Variants in XPOT observed in about 807,000 individuals in gnomAD.
XPOT encodes exportin-T.
Under a neutral mutation model 128.2 loss-of-function variants are expected in XPOT, and 34 were observed. The ratio of observed to expected loss-of-function variants is 0.27; its 90% CI spans 0.20 to 0.35. The LOEUF (loss-of-function observed/expected upper bound fraction) is 0.35. XPOT is among the 10% of genes least tolerant of loss of function. The probability of loss-of-function intolerance (pLI) is 1.00; values close to 1 mark genes in which losing one functional copy is unlikely to be tolerated. For synonymous variants in XPOT, 348 were observed against 394.3 expected (o/e 0.88, Z 1.39); for missense variants, 838 against 1,125.3 (o/e 0.74, Z 3.65).
intron 5 of XPOT, among the ~76,000 whole-genome samples, chr12:64,418,556 T>A (rs1262258129): frequency 6.6e-6 from 1 of 151,710 alleles, no homozygotes; most frequent in Non-Finnish European, 1.5e-5. Flanking sequence ...TAGAGGAAAA[T>A]TTTTTTTTCT....
chr12:64,419,542 C>G (rs1287269087), intron 6 of XPOT, among the ~76,000 whole-genome samples: 1 of 152,218 alleles, frequency 6.6e-6, no homozygotes, highest in African/African-American at 2.4e-5. Context: ...CTCCTGACTT[C>G]AGGTGATCCG....
intron 24 of XPOT, 85 bp from the exon 25 acceptor site, chr12:64,448,020 A>G: frequency 8.4e-7 from 1 of 1,195,752 alleles, no homozygotes; most frequent in Non-Finnish European, 1.2e-6. Context: ...GAACATTGCT[A>G]GCACTCAGAT....
At chr12:64,416,447 G>A (rs1366508546) in intron 3 of XPOT, among the ~76,000 whole-genome samples, 1 of 152,116 alleles carries the variant, frequency 6.6e-6, no homozygotes, top group African/African-American at 2.4e-5. Context: ...TATTCAAGGT[G>A]CATCTTAATA....
At chr12:64,431,030 C>T (rs1254899273) in intron 17 of XPOT, among the ~76,000 whole-genome samples, 4 of 152,046 alleles carry the variant, frequency 2.6e-5, no homozygotes, top group African/African-American at 4.8e-5. Flanking sequence ...GTGCAACCTC[C>T]GCCTCCCAGG....
intron 11 of XPOT, 89 bp downstream of exon 11, chr12:64,423,333 C>G: frequency 1.1e-6 from 1 of 896,224 alleles, no homozygotes; most frequent in Non-Finnish European, 1.6e-6. Flanking sequence ...TTTCGGGGCC[C>G]TTTAAAACAT....
intron 1 of XPOT, 79 bp from the exon 2 acceptor site, chr12:64,409,883 T>C (rs2040021219): frequency 1.7e-6 from 1 of 603,992 alleles, no homozygotes; most frequent in African/African-American, 1.8e-5. Context: ...TGCATGATTT[T>C]ATCCATTTAC....
chr12:64,409,961 G>A lies in XPOT; in HGVS notation c.-74-1G>A. The A allele has an allele frequency of 1.6e-6, 2 of 1,235,432 alleles. No homozygotes were observed. The highest frequency in any genetic ancestry group is 4.7e-5 in the East Asian group (2 of 42,856). The allele number at this position is 1,235,432 out of a possible 1,614,324, so 76.5% of individuals were successfully genotyped here. A position where few individuals can be genotyped will look rare whatever the true frequency, so the allele number is the denominator to read the frequency against. ...TCTTTCAACTTTGTTTTTTGTGGCA[G>A]ATGTTTATAAATTCTTCTGTGGGAT... On this transcript the variant is annotated splice_acceptor_variant, in intron 1 of 24. Transcript: ENST00000332707. LOFTEE classifies it low-confidence loss of function (5UTR_SPLICE).
At chr12:64,437,114 T>C (rs2040289073) in intron 22 of XPOT, among the ~76,000 whole-genome samples, 1 of 152,196 alleles carries the variant, frequency 6.6e-6, no homozygotes, top group African/African-American at 2.4e-5. Context: ...CTTGATTTTT[T>C]GATTCTGATA....
At chr12:64,443,968 G>C (rs1416657195) in intron 23 of XPOT, among the ~76,000 whole-genome samples, 3 of 151,910 alleles carry the variant, frequency 2.0e-5, no homozygotes, top group African/African-American at 7.3e-5. Flanking sequence ...TACTATTCTT[G>C]TGATCTTAGT....
Position 64,404,812 on chromosome 12 carries a change from G to C in XPOT, c.-75+8G>C, listed in dbSNP as rs1453553369. On this transcript the variant is annotated splice_region_variant and intron_variant, in intron 1 of 24. Coordinates refer to ENST00000332707, the MANE Select transcript of XPOT (RefSeq NM_007235.6). ...GATGGAGTGATAGGGAAGGTGACTC[G>C]GGGCTCGGGGGCAGCGGGACCGGGA... is the stretch of plus-strand genomic sequence containing the variant. 6.6e-6 allele frequency: 1 copy of C among 152,376 alleles called. No homozygotes were observed. Among genetic ancestry groups the C allele is most frequent in the African/African-American group, 2.4e-5 (1 of 41,442 alleles). 9.4% of individuals were successfully genotyped at this position (152,376 alleles called of 1,614,324 possible). A position where few individuals can be genotyped will look rare whatever the true frequency, so the allele number is the denominator to read the frequency against.
intron 3 of XPOT, among the ~76,000 whole-genome samples, chr12:64,416,297 C>G (rs2136015702): frequency 6.6e-6 from 1 of 152,316 alleles, no homozygotes; most frequent in Non-Finnish European, 1.5e-5. Context: ...CTTGGACGAC[C>G]ATCTTTACTT....
At chr12:64,421,618 CT>C in intron 9 of XPOT, 147 bp downstream of exon 9, 1 of 565,492 alleles carries the variant, frequency 1.8e-6, no homozygotes, top group Non-Finnish European at 3.0e-6. Flanking sequence ...GTATTTCCAT[CT>C]TAAAAAAAAA....
chr12:64,415,111 C>G, intron 3 of XPOT, 122 bp downstream of exon 3: 1 of 623,932 alleles, frequency 1.6e-6, no homozygotes, highest in South Asian at 2.0e-5. Flanking sequence ...TTTTTTTTTG[C>G]AAAGCCATTA....
At chr12:64,413,079 A>G (rs58143737) in intron 2 of XPOT, among the ~76,000 whole-genome samples, 19,337 of 152,058 alleles carry the variant, frequency 0.13, 1,368 homozygotes, top group Middle Eastern at 0.22. Flanking sequence ...GTTGGTGGTT[A>G]GGGTAAAAGT....
chr12:64,406,166 C>T (rs796128824), intron 1 of XPOT, among the ~76,000 whole-genome samples: 4 of 152,362 alleles, frequency 2.6e-5, no homozygotes, highest in African/African-American at 4.8e-5. Flanking sequence ...ACCTCCCCCT[C>T]CCGGGTTCAT....
At chr12:64,409,911 T>C in intron 1 of XPOT, 51 bp from the exon 2 acceptor site, 1 of 740,318 alleles carries the variant, frequency 1.4e-6, no homozygotes, top group East Asian at 2.5e-5. Flanking sequence ...AGGATAAGCA[T>C]CTATTTGTTT....
In XPOT at chr12:64,445,086, A is replaced by G; in HGVS notation, c.2817A>G (p.Gln939=). 1 of 1,610,208 alleles carries G rather than the reference A, an allele frequency of 6.2e-7. No individual in the cohort carries two copies. ...TCCCCACCCCCCAGGAGTTTTGTCA[A>G]GCGCTTCAGCAGCCTGATGCTAAAG... ...VAPEIIQEFC[Q]ALQQPDAKVF... is the part of the protein sequence containing the mutation. The change falls in exon 24 of 25, where the codon CAA becomes CAG. Residue 939 remains glutamine, a synonymous_variant. Transcript: ENST00000332707.
intron 1 of XPOT, among the ~76,000 whole-genome samples, chr12:64,408,970 G>A (rs1479311703): frequency 6.6e-6 from 1 of 152,080 alleles, no homozygotes; most frequent in Non-Finnish European, 1.5e-5. Flanking sequence ...ACTGTAGCTG[G>A]CTGGTTTGTG....
chr12:64,425,997 T>A, intron 15 of XPOT, 88 bp downstream of exon 15: 2 of 1,236,782 alleles, frequency 1.6e-6, no homozygotes, highest in Non-Finnish European at 2.4e-6. Context: ...GGAATCAACC[T>A]AGGTGCCCAT....
Sources: gnomAD v4.1 joint callset for allele counts (sites outside exome capture counted in the v4.1 genomes callset) on GRCh38, gnomAD v4.1.1 for gene constraint, MANE v1.5 for transcripts, NCBI Gene and HGNC (gene_info 2026-07-23, HGNC 2026-07-21) for gene names.